The following SSU72 variants were observed in gnomAD, a reference collection of about 807,000 sequenced individuals.
SSU72 encodes RNA polymerase II subunit A C-terminal domain phosphatase SSU72.
SSU72 carries 12 observed loss-of-function variants against 22.7 expected under a neutral mutation model. The observed-to-expected ratio is 0.53, with a 90% CI of 0.34 to 0.86. The LOEUF (loss-of-function observed/expected upper bound fraction) is 0.86. SSU72 is among the 40% of genes least tolerant of loss of function. The probability of loss-of-function intolerance (pLI) is 0.02; values close to 1 mark genes in which losing one functional copy is unlikely to be tolerated. For missense variants in SSU72, 151 were observed against 249.8 expected (o/e 0.60, Z 2.67); for synonymous variants, 116 against 98.3 (o/e 1.18, Z -1.06).
intron 1 of SSU72, among the ~76,000 whole-genome samples, chr1:1,569,033 A>G (rs904414677): frequency 9.9e-5 from 15 of 151,902 alleles, no homozygotes; most frequent in Non-Finnish European, 1.8e-4. Flanking sequence ...AATTAGCTGG[A>G]CATGGTGGTG....
chr1:1,564,606 C>T, intron 2 of SSU72, 167 bp downstream of exon 2: 1 of 1,611,892 alleles, frequency 6.2e-7, no homozygotes, highest in Non-Finnish European at 8.5e-7. Context: ...GGAACTAACC[C>T]GTGGACGATC....
intron 4 of SSU72, 143 bp downstream of exon 4, chr1:1,543,726 C>G: frequency 1.9e-6 from 1 of 520,250 alleles, no homozygotes; most frequent in Non-Finnish European, 3.0e-6. Context: ...GGCCACTCCC[C>G]TGTCACGGCC....
intron 1 of SSU72, among the ~76,000 whole-genome samples, chr1:1,565,864 G>A (rs1381039176): frequency 6.6e-6 from 1 of 152,248 alleles, no homozygotes; most frequent in Non-Finnish European, 1.5e-5. Context: ...AGAAAGAGAG[G>A]TCGTCTCCAA....
In SSU72 at chr1:1,542,059, G is replaced by A. The variant is rs140435733; in HGVS notation, c.*7C>T. Reference sequence around the variant, plus strand: ...GCTCCAGAGGCGGCTCCATGCGGGCGCTGGGCTCAGTAGAAGCAGACGGTG... The same window carrying A: ...GCTCCAGAGGCGGCTCCATGCGGGCACTGGGCTCAGTAGAAGCAGACGGTG... On this transcript the variant is annotated 3_prime_UTR_variant, in exon 5 of 5. Coordinates refer to ENST00000291386, the MANE Select transcript of SSU72 (RefSeq NM_014188.3). The surrounding 1 kb of genome is among the most constrained non-coding windows in gnomAD (Gnocchi z 4.4). 101 of 1,569,584 alleles carry A rather than the reference G, an allele frequency of 6.4e-5. No individual in the cohort carries two copies. Among genetic ancestry groups the A allele is most frequent in the Non-Finnish European group, 8.1e-5 (94 of 1,156,882 alleles).
chr1:1,564,444 C>A, intron 2 of SSU72: 1 of 1,462,528 alleles, frequency 6.8e-7, no homozygotes, highest in Admixed American at 2.6e-5. Flanking sequence ...GGCAGCCCTG[C>A]AGTGTGAAAA....
At chr1:1,543,138 G>A (rs1046983477) in intron 4 of SSU72, among the ~76,000 whole-genome samples, 3 of 152,228 alleles carry the variant, frequency 2.0e-5, no homozygotes, top group African/African-American at 4.8e-5. Flanking sequence ...CCTCCACGCC[G>A]CAGCAGGGTG....
At chr1:1,553,876 T>C (rs761539467) in intron 2 of SSU72, among the ~76,000 whole-genome samples, 5 of 151,764 alleles carry the variant, frequency 3.3e-5, no homozygotes, top group Non-Finnish European at 2.9e-5. Context: ...TGACATTCTC[T>C]TGACAATGCA....
intron 2 of SSU72, among the ~76,000 whole-genome samples, chr1:1,556,877 C>T (rs1171953387): frequency 6.6e-6 from 1 of 152,238 alleles, no homozygotes; most frequent in Non-Finnish European, 1.5e-5. Context: ...GCATTCTGTC[C>T]AGACCCTCAA....
At chr1:1,548,773 C>T (rs910823285) in intron 2 of SSU72, among the ~76,000 whole-genome samples, 4 of 152,214 alleles carry the variant, frequency 2.6e-5, no homozygotes, top group African/African-American at 9.6e-5. Flanking sequence ...TTGGCGTAAA[C>T]AGGAGGAGCA....
In SSU72 at chr1:1,557,616, G is replaced by A. The variant is rs976993177; in HGVS notation, c.224+7157C>T. Among the ~76,000 whole-genome samples, 24 of 151,774 alleles carry A rather than the reference G, an allele frequency of 1.6e-4. 1 individual carries two copies. Among genetic ancestry groups the A allele is most frequent in the Admixed American group, 1.3e-4 (2 of 15,210 alleles). On this transcript the variant is annotated intron_variant, in intron 2 of 4. Transcript: ENST00000291386. ...TTGAGACATGTCTGGCCAACGTGGT[G>A]AAACCCCATCTCTACTAAAAATACC...
intron 2 of SSU72, among the ~76,000 whole-genome samples, chr1:1,546,787 G>T (rs1642394166): frequency 6.9e-6 from 1 of 143,894 alleles, no homozygotes. Flanking sequence ...AGGTTGCAGT[G>T]AGCCGAGATC....
In SSU72 at chr1:1,564,936, A is replaced by G. The variant is rs779819213; in HGVS notation, c.81-20T>C. 5 of 1,575,512 alleles carry G rather than the reference A, an allele frequency of 3.2e-6. No homozygotes were observed. The stretch of plus-strand genomic sequence containing the variant: ...CGTTTGCTGAAAGACAAAAGGAGAG[A>G]AAGAATCACAGTCACACTAAGACAC... On this transcript the variant is annotated intron_variant, in intron 1 of 4. Transcript: ENST00000291386.
At chr1:1,549,427 G>A (rs1246695886) in intron 2 of SSU72, among the ~76,000 whole-genome samples, 4 of 151,962 alleles carry the variant, frequency 2.6e-5, no homozygotes, top group African/African-American at 7.2e-5. Context: ...AGGCTGAGGC[G>A]GGAGAATGGC....
intron 2 of SSU72, among the ~76,000 whole-genome samples, chr1:1,552,250 C>G (rs1177017052): frequency 6.6e-6 from 1 of 152,192 alleles, no homozygotes; most frequent in Non-Finnish European, 1.5e-5. Context: ...CTGGGAAAAC[C>G]AGAGAACTAG....
At position 1,565,027 on chromosome 1, in the gene SSU72, G is replaced by A. The variant is rs562590810; in HGVS notation, c.81-111C>T. ...AAATGAGTAATTTCATTGGCTCATAGTAGAGAATATGTCTTCAAATTTTTA... is the reference window on the plus strand; with the variant it reads ...AAATGAGTAATTTCATTGGCTCATAATAGAGAATATGTCTTCAAATTTTTA... On this transcript the variant is annotated intron_variant, in intron 1 of 4. Coordinates refer to ENST00000291386, the MANE Select transcript of SSU72 (RefSeq NM_014188.3). 5 of 1,390,040 alleles carry A rather than the reference G, an allele frequency of 3.6e-6. No homozygotes were observed. In the East Asian group the frequency reaches 9.3e-5, roughly 26 times the overall value. The allele number at this position is 1,390,040 out of a possible 1,614,324, so 86.1% of individuals were successfully genotyped here. A position where few individuals can be genotyped will look rare whatever the true frequency, so the allele number is the denominator to read the frequency against.
chr1:1,551,838 T>C (rs547975451), intron 2 of SSU72, among the ~76,000 whole-genome samples: 3 of 152,192 alleles, frequency 2.0e-5, no homozygotes, highest in Non-Finnish European at 4.4e-5. Flanking sequence ...GCTCACCCCA[T>C]GCAGGCAGGG....
At chr1:1,553,909 A>C (rs1313719928) in intron 2 of SSU72, among the ~76,000 whole-genome samples, 6 of 152,160 alleles carry the variant, frequency 3.9e-5, no homozygotes. Flanking sequence ...ACTGAAAAAA[A>C]CGGAGGATAA....
At chr1:1,561,357 A>G (rs576411036) in intron 2 of SSU72, 2 of 152,322 alleles carry the variant, frequency 1.3e-5, no homozygotes, top group African/African-American at 2.4e-5. Context: ...TGCTGGGATT[A>G]CAGGCCTGAG....
chr1:1,565,007 A>G, intron 1 of SSU72, 91 bp from the exon 2 acceptor site: 1 of 1,475,474 alleles, frequency 6.8e-7, no homozygotes, highest in Non-Finnish European at 9.0e-7. Context: ...AAACAAAATG[A>G]GTAATTTCAT....
Sources: allele counts gnomAD v4.1 joint callset (sites outside exome capture counted in the v4.1 genomes callset), GRCh38; gene constraint gnomAD v4.1.1; non-coding constraint Gnocchi (gnomAD v3.1); transcripts MANE v1.5; gene names NCBI Gene and HGNC (gene_info 2026-07-23, HGNC 2026-07-21).